Variants in ZMAT5 observed in about 807,000 individuals in gnomAD.
ZMAT5 encodes zinc finger matrin-type protein 5.
ZMAT5 carries 23 observed loss-of-function variants against 28.0 expected under a neutral mutation model. That is an observed-to-expected ratio of 0.82 (90% CI 0.59 to 1.16). ZMAT5 has a LOEUF of 1.16. Among genes scored for constraint, ZMAT5 ranks in the 50% most tolerant of loss-of-function variants. The probability of loss-of-function intolerance (pLI) is 0.00; values close to 1 mark genes in which losing one functional copy is unlikely to be tolerated. For missense variants in ZMAT5, 173 were observed against 212.7 expected, an observed-to-expected ratio of 0.81 and a Z score of 1.16; for synonymous variants, 76 against 84.1, an observed-to-expected ratio of 0.90 and a Z score of 0.52.
chr22:29,742,316 G>A, intron 3 of ZMAT5, 102 bp downstream of exon 3: 1 of 1,218,532 alleles, frequency 8.2e-7, no homozygotes, highest in Non-Finnish European at 1.2e-6. Context: ...GTGGGCTTGG[G>A]ATGGTGGCCC....
intron 5 of ZMAT5, among the ~76,000 whole-genome samples, chr22:29,737,671 C>T (rs998546222): frequency 1.3e-5 from 2 of 152,150 alleles, no homozygotes; most frequent in African/African-American, 4.8e-5. Context: ...GCTCAGGCTT[C>T]GGTTTTGGCC....
At chr22:29,765,729 A>G (rs112620764) in intron 1 of ZMAT5, among the ~76,000 whole-genome samples, 7,229 of 152,068 alleles carry the variant, frequency 0.048, 222 homozygotes, top group South Asian at 0.096. Context: ...TTAGCCAGGC[A>G]TGGTGGCAGG....
rs751895701 is a variant in ZMAT5, at chr22:29,738,366, T to C, written c.347A>G (p.Lys116Arg). ...GGCTGAGCTCAGCCGCTTGGCTCTC[T>C]TCTCCAGCCAGTCCTCCAGATGGCC... is the stretch of plus-strand genomic sequence containing the variant. Reference protein sequence around the residue: ...PEGHLEDWLEKRAKRLSSAPS... With the variant: ...PEGHLEDWLERRAKRLSSAPS... The change falls in exon 5 of 6, where the codon AAG becomes AGG. Residue 116 changes from lysine (K) to arginine (R), a missense_variant. Physicochemically the swap from Lys to Arg is conservative, Grantham distance 26. Coordinates refer to ENST00000344318, the MANE Select transcript of ZMAT5 (RefSeq NM_001003692.2). The C allele has an allele frequency of 6.2e-7, 1 of 1,608,324 alleles. No homozygotes were observed. Among genetic ancestry groups the C allele is most frequent in the South Asian group, 1.1e-5 (1 of 90,982 alleles).
intron 1 of ZMAT5, among the ~76,000 whole-genome samples, chr22:29,755,953 G>A (rs2068097814): frequency 6.6e-6 from 1 of 152,236 alleles, no homozygotes; most frequent in Admixed American, 6.5e-5. Context: ...CCACTGTCCT[G>A]CCGTGAGGCT....
At chr22:29,740,275 T>C (rs908735208) in intron 4 of ZMAT5, among the ~76,000 whole-genome samples, 27 of 152,088 alleles carry the variant, frequency 1.8e-4, no homozygotes, top group African/African-American at 6.0e-4. Context: ...ATCCCTAGAC[T>C]GTCGTAAGGG....
At position 29,759,922 on chromosome 22, in the gene ZMAT5, C is replaced by T. The variant is rs867409206; in HGVS notation, c.-28+6950G>A. Among the ~76,000 whole-genome samples, 11 of 152,038 alleles carry T rather than the reference C, an allele frequency of 7.2e-5. No homozygotes were observed. In the East Asian group the frequency reaches 1.4e-3, roughly 19 times the overall value. On this transcript the variant is annotated intron_variant, in intron 1 of 5. Coordinates refer to ENST00000344318, the MANE Select transcript of ZMAT5 (RefSeq NM_001003692.2). ...CTCTACTAAAAATACAAAATTAGGC[C>T]GGGCACGGTGGCTCATGCCTGTAAT...
intron 1 of ZMAT5, among the ~76,000 whole-genome samples, chr22:29,752,344 G>A (rs751567082): frequency 1.3e-5 from 2 of 152,194 alleles, no homozygotes; most frequent in African/African-American, 4.8e-5. Flanking sequence ...GTGTATATGT[G>A]TGGGTGTTCA....
At chr22:29,739,026 AG>A (rs1418018700) in intron 4 of ZMAT5, among the ~76,000 whole-genome samples, 3 of 129,110 alleles carry the variant, frequency 2.3e-5, no homozygotes, top group South Asian at 2.6e-4. Context: ...AAAAAAAAAG[AG>A]AGAGAGAGCC....
In ZMAT5 at chr22:29,739,412, G is replaced by A. The variant is rs578207550; in HGVS notation, c.272-971C>T. On this transcript the variant is annotated intron_variant, in intron 4 of 5. Coordinates refer to ENST00000344318, the MANE Select transcript of ZMAT5 (RefSeq NM_001003692.2). The stretch of plus-strand genomic sequence containing the variant: ...CGGTCTCTGGAGCTCACTCGGGGCC[G>A]GGCCCTGGTCTCTGGAGCTCACTTG... Among the ~76,000 whole-genome samples the A allele has an allele frequency of 9.2e-5, 14 of 151,914 alleles. No homozygotes were observed. The South Asian group carries it at 1.5e-3, about 16-fold the overall frequency.
intron 1 of ZMAT5, among the ~76,000 whole-genome samples, chr22:29,754,246 C>T (rs968251611): frequency 1.3e-5 from 2 of 152,082 alleles, no homozygotes; most frequent in Admixed American, 6.5e-5. Context: ...AGCGAGGTCC[C>T]GTCTGGAACA....
chr22:29,759,984 T>TGGGTGG (rs2068140553), intron 1 of ZMAT5, among the ~76,000 whole-genome samples: 2 of 152,118 alleles, frequency 1.3e-5, no homozygotes, highest in Non-Finnish European at 2.9e-5. Flanking sequence ...GTGGATTGCC[T>TGGGTGG]GAGCTCAGGA....
At chr22:29,761,903 A>G (rs1262924065) in intron 1 of ZMAT5, among the ~76,000 whole-genome samples, 1 of 152,192 alleles carries the variant, frequency 6.6e-6, no homozygotes, top group Non-Finnish European at 1.5e-5. Flanking sequence ...GGGGCCCCCC[A>G]TATATTCCTA....
rs542227248 is a variant in ZMAT5 at position 29,738,820 on chromosome 22, A to G, written c.272-379T>C. Among the ~76,000 whole-genome samples the G allele has an allele frequency of 5.0e-3, 759 of 152,166 alleles. 10 individuals carry two copies. Among genetic ancestry groups the G allele is most frequent in the African/African-American group, 0.018 (728 of 41,502 alleles). Reference sequence around the variant, plus strand: ...GGAGTTTGAAACCAGCCTGGCCAACATGGAGAAACCCTGCCTCTACTAAAA... The same window carrying G: ...GGAGTTTGAAACCAGCCTGGCCAACGTGGAGAAACCCTGCCTCTACTAAAA... On this transcript the variant is annotated intron_variant, in intron 4 of 5. Transcript: ENST00000344318.
chr22:29,745,057 G>A (rs370955573), intron 2 of ZMAT5, among the ~76,000 whole-genome samples: 1 of 152,264 alleles, frequency 6.6e-6, no homozygotes, highest in East Asian at 1.9e-4. Context: ...CTGTGTGCCA[G>A]GCACCACGCC....
At chr22:29,745,951 C>T (rs543171567) in intron 2 of ZMAT5, among the ~76,000 whole-genome samples, 1 of 152,266 alleles carries the variant, frequency 6.6e-6, no homozygotes, top group East Asian at 1.9e-4. Context: ...GTGAGGGAAC[C>T]CACTGCCCTG....
chr22:29,760,878 T>C (rs1204138297), intron 1 of ZMAT5, among the ~76,000 whole-genome samples: 1 of 152,206 alleles, frequency 6.6e-6, no homozygotes, highest in Non-Finnish European at 1.5e-5. Flanking sequence ...GTCACACTCC[T>C]GGAAAGTTTA....
intron 1 of ZMAT5, among the ~76,000 whole-genome samples, chr22:29,749,857 T>G (rs1238351945): frequency 6.6e-6 from 1 of 152,124 alleles, no homozygotes; most frequent in Non-Finnish European, 1.5e-5. Flanking sequence ...CCTGCTGCCT[T>G]GTGAAGAAGG....
intron 1 of ZMAT5, among the ~76,000 whole-genome samples, chr22:29,763,036 T>A (rs1020650687): frequency 5.9e-5 from 9 of 151,862 alleles, no homozygotes; most frequent in East Asian, 5.8e-4. Context: ...AAAATTTTTT[T>A]AAATTAGGCT....
At chr22:29,749,749 G>A (rs955167639) in intron 1 of ZMAT5, among the ~76,000 whole-genome samples, 1 of 152,140 alleles carries the variant, frequency 6.6e-6, no homozygotes, top group African/African-American at 2.4e-5. Flanking sequence ...TGACATGGGG[G>A]TGGTTTCCCC....
Sources: gnomAD v4.1 joint callset for allele counts (sites outside exome capture counted in the v4.1 genomes callset) on GRCh38, gnomAD v4.1.1 for gene constraint, MANE v1.5 for transcripts, NCBI Gene and HGNC (gene_info 2026-07-23, HGNC 2026-07-21) for gene names.